The following GTF3C4 variants were observed in gnomAD, a reference collection of about 807,000 sequenced individuals.
GTF3C4 encodes general transcription factor 3C polypeptide 4.
In GTF3C4, 28 loss-of-function variants were observed where a neutral mutation model predicts 67.5. That is an observed-to-expected ratio of 0.41 (90% confidence interval 0.31 to 0.57). GTF3C4 has a LOEUF of 0.57. Among genes scored for constraint, GTF3C4 ranks in the 20% least tolerant of loss-of-function variants. The pLI is 0.21. For missense variants in GTF3C4, 831 were observed against 1,033.2 expected, an observed-to-expected ratio of 0.80 and a Z score of 2.68; for synonymous variants, 409 against 393.0, an observed-to-expected ratio of 1.04 and a Z score of -0.48.
chr9:132,674,396 G>A (rs2130894020), intron 1 of GTF3C4, among the ~76,000 whole-genome samples: 1 of 152,314 alleles, frequency 6.6e-6, no homozygotes, highest in African/African-American at 2.4e-5. Context: ...TGAAACATAT[G>A]TCAGAAATTG....
intron 2 of GTF3C4, among the ~76,000 whole-genome samples, chr9:132,682,235 T>C (rs1835956427): frequency 6.6e-6 from 1 of 152,138 alleles, no homozygotes; most frequent in African/African-American, 2.4e-5. Context: ...TTAGGGACCA[T>C]ATGTTAGAAT....
chr9:132,675,147 C>T (rs1307389258), intron 1 of GTF3C4, among the ~76,000 whole-genome samples: 3 of 152,048 alleles, frequency 2.0e-5, no homozygotes, highest in Non-Finnish European at 4.4e-5. Flanking sequence ...CTTTCTGGGA[C>T]ATGTATTAGT....
At chr9:132,677,890 GAAT>G in intron 1 of GTF3C4, 84 bp from the exon 2 acceptor site, 2 of 1,033,784 alleles carry the variant, frequency 1.9e-6, no homozygotes, top group East Asian at 2.4e-5. Flanking sequence ...ACCAGGCTAT[GAAT>G]AATGACATTC....
Position 132,689,241 on chromosome 9 carries a change from A to G in GTF3C4, c.*296A>G, listed in dbSNP as rs1836076664. On this transcript the variant is annotated 3_prime_UTR_variant, in exon 5 of 5. Transcript: ENST00000372146. ...CTTACTTATTTTTAAGTATCTTGAC[A>G]GAAGCAATTTGAACACAGTGTCCCG... is the stretch of plus-strand genomic sequence containing the variant. The G allele has an allele frequency of 2.8e-6, 1 of 353,362 alleles. No homozygotes were observed. Among genetic ancestry groups the G allele is most frequent in the Non-Finnish European group, 5.4e-6 (1 of 185,294 alleles). 21.9% of individuals were successfully genotyped at this position (353,362 alleles called of 1,614,324 possible).
At chr9:132,688,659 C>A (rs757747392) in intron 4 of GTF3C4, among the ~76,000 whole-genome samples, 13 of 152,136 alleles carry the variant, frequency 8.5e-5, no homozygotes, top group Non-Finnish European at 1.6e-4. Flanking sequence ...TTTCCTGTTT[C>A]ATTACATTTA....
Position 132,683,548 on chromosome 9 carries a change from A to G in GTF3C4, c.2185-15A>G, listed in dbSNP as rs757224476. 3.1e-6 allele frequency: 5 copies of G among 1,605,450 alleles called. No homozygotes were observed. The South Asian group carries it at 3.4e-5, about 11-fold the overall frequency. ...GCACTTACACTAAACTTTGCTGACT[A>G]CTTTGTCTTACTAGGTGCTGATTGG... On this transcript the variant is annotated splice_polypyrimidine_tract_variant and intron_variant, in intron 2 of 4. Coordinates refer to ENST00000372146, the MANE Select transcript of GTF3C4 (RefSeq NM_012204.4).
chr9:132,675,123 T>C (rs1222806914), intron 1 of GTF3C4, among the ~76,000 whole-genome samples: 1 of 152,248 alleles, frequency 6.6e-6, no homozygotes, highest in Non-Finnish European at 1.5e-5. Context: ...TATTGACTTA[T>C]TTAACCTTCC....
In GTF3C4 at chr9:132,679,432, A is replaced by G; in HGVS notation, c.1813A>G (p.Lys605Glu). Reference protein sequence around the residue: ...ALWKPTHEDSKILLVDSPGMG... With the variant: ...ALWKPTHEDSEILLVDSPGMG... Reference sequence around the variant, plus strand: ...GTGGAAACCCACCCATGAGGACTCAAAAATCTTACTAGTGGATTCGCCTGG... The same window carrying G: ...GTGGAAACCCACCCATGAGGACTCAGAAATCTTACTAGTGGATTCGCCTGG... Residue 605 changes from lysine to glutamate, a missense_variant, in exon 2 of 5, where the codon AAA becomes GAA. Transcript: ENST00000372146. The surrounding 1 kb of genome is among the most constrained non-coding windows in gnomAD (Gnocchi z 5.9). 6.2e-7 allele frequency: 1 copy of G among 1,614,198 alleles called. No individual in the cohort carries two copies.
intron 3 of GTF3C4, among the ~76,000 whole-genome samples, chr9:132,685,635 G>A (rs931623270): frequency 2.0e-5 from 3 of 152,008 alleles, no homozygotes; most frequent in Admixed American, 1.3e-4. Flanking sequence ...CTATGGGCAT[G>A]TACCACCATG....
chr9:132,680,330 A>G (rs1835922473), intron 2 of GTF3C4, among the ~76,000 whole-genome samples: 2 of 152,256 alleles, frequency 1.3e-5, no homozygotes. Flanking sequence ...AAACTTACCT[A>G]GAATGTATTC....
Position 132,679,491 on chromosome 9 carries a change from A to C in GTF3C4, c.1872A>C (p.Glu624Asp). 1 of 1,614,186 alleles carries C rather than the reference A, an allele frequency of 6.2e-7. No homozygotes were observed. The highest frequency in any genetic ancestry group is 8.5e-7 in the Non-Finnish European group (1 of 1,180,032). Residue 624 changes from glutamate to aspartate, a missense_variant, in exon 2 of 5, where the codon GAA becomes GAC. Coordinates refer to ENST00000372146, the MANE Select transcript of GTF3C4 (RefSeq NM_012204.4). This position sits in a 1 kb window ranked among gnomAD's most constrained non-coding sequence, Gnocchi z 5.9. The stretch of plus-strand genomic sequence containing the variant: ...ATGCTGACGATGAACAGCAGGAAGA[A>C]GGCACTTCTTCCAAACAGGTGGTGA... ...MGNADDEQQEEGTSSKQVVKQ... is the reference protein window; with the variant it reads ...MGNADDEQQEDGTSSKQVVKQ...
intron 3 of GTF3C4, among the ~76,000 whole-genome samples, chr9:132,685,909 T>A (rs1836019210): frequency 6.6e-6 from 1 of 152,228 alleles, no homozygotes; most frequent in Admixed American, 6.5e-5. Flanking sequence ...CTACTGTCTT[T>A]AAGACTGACA....
chr9:132,670,792 G>C lies in GTF3C4; in HGVS notation c.194G>C (p.Ser65Thr), dbSNP rs1286353466. Residue 65 changes from serine (S) to threonine (T), a missense_variant, in exon 1 of 5, where the codon AGC (serine) becomes ACC (threonine). Physicochemically the swap from Ser to Thr is moderately conservative, Grantham distance 58. Transcript: ENST00000372146. ...EPAVKLQYAV[S>T]GLEPLAWSED... The stretch of plus-strand genomic sequence containing the variant: ...GCCGTGAAGCTGCAGTATGCGGTGA[G>C]CGGCCTGGAACCGCTGGCTTGGTCC... 3.1e-6 allele frequency: 5 copies of C among 1,595,068 alleles called. No individual in the cohort carries two copies. In the African/African-American group the frequency reaches 4.0e-5, roughly 13 times the overall value.
At chr9:132,671,963 T>C (rs575127684) in intron 1 of GTF3C4, among the ~76,000 whole-genome samples, 3 of 152,304 alleles carry the variant, frequency 2.0e-5, no homozygotes, top group East Asian at 1.9e-4. Flanking sequence ...CCATTGAAAA[T>C]ATGAGTCATT....
At chr9:132,684,474 T>C (rs572624009) in intron 3 of GTF3C4, among the ~76,000 whole-genome samples, 5 of 152,336 alleles carry the variant, frequency 3.3e-5, no homozygotes, top group Admixed American at 2.0e-4. Context: ...ATAGTTGTGA[T>C]AGTGATTGTA....
In GTF3C4 at chr9:132,679,547, G is replaced by A. The variant is rs1187490676; in HGVS notation, c.1928G>A (p.Gly643Glu). 6 of 1,614,044 alleles carry A rather than the reference G, an allele frequency of 3.7e-6. No individual in the cohort carries two copies. The Admixed American group carries it at 5.0e-5, about 13-fold the overall frequency. Residue 643 changes from glycine (G) to glutamate (E), a missense_variant, in exon 2 of 5, where the codon GGA becomes GAA. Gly to Glu is a moderately conservative substitution (Grantham distance 98, BLOSUM62 -2). Transcript: ENST00000372146. This position sits in a 1 kb window ranked among gnomAD's most constrained non-coding sequence, Gnocchi z 5.9. ...KQGLQERSKE[G>E]DVEEPTDDSL... ...GGCCTGCAGGAGAGGAGCAAGGAAG[G>A]AGATGTAGAGGAGCCCACTGATGAC...
intron 1 of GTF3C4, among the ~76,000 whole-genome samples, chr9:132,674,895 G>T (rs537888336): frequency 1.3e-5 from 2 of 152,296 alleles, no homozygotes; most frequent in South Asian, 4.1e-4. Flanking sequence ...GCCAGGCATG[G>T]TGGTGTGCAC....
chr9:132,689,265 C>T lies in GTF3C4; in HGVS notation c.*320C>T, dbSNP rs562656977. ...CAGAAGCAATTTGAACACAGTGTCC[C>T]GTCATTTCTAGAAACAGAATGGTCT... On this transcript the variant is annotated 3_prime_UTR_variant, in exon 5 of 5. Coordinates refer to ENST00000372146, the MANE Select transcript of GTF3C4 (RefSeq NM_012204.4). The T allele has an allele frequency of 4.4e-5, 13 of 295,868 alleles. No individual in the cohort carries two copies. In the South Asian group the frequency reaches 5.2e-4, roughly 12 times the overall value. 18.3% of individuals were successfully genotyped at this position (295,868 alleles called of 1,614,324 possible).
intron 3 of GTF3C4, among the ~76,000 whole-genome samples, chr9:132,686,813 A>G (rs981895568): frequency 1.3e-5 from 2 of 152,208 alleles, no homozygotes; most frequent in African/African-American, 4.8e-5. Context: ...AGGCAGAAGG[A>G]TCACTTGAGC....
Sources: allele counts gnomAD v4.1 joint callset (sites outside exome capture counted in the v4.1 genomes callset), GRCh38; gene constraint gnomAD v4.1.1; non-coding constraint Gnocchi (gnomAD v3.1); transcripts MANE v1.5; gene names NCBI Gene and HGNC (gene_info 2026-07-23, HGNC 2026-07-21).